ADARB2: variants seen among roughly 807,000 people sequenced by gnomAD.
The protein encoded by ADARB2 is inactive double-stranded RNA-specific editase B2.
Under a neutral mutation model 62.2 loss-of-function variants are expected in ADARB2, and 25 were observed. The ratio of observed to expected loss-of-function variants is 0.40; its 90% CI spans 0.29 to 0.56. The LOEUF is 0.56. ADARB2 is among the 20% of genes least tolerant of loss of function. ADARB2 has a pLI of 0.43. For synonymous variants in ADARB2, 572 were observed against 500.8 expected (o/e 1.14, Z -1.90); for missense variants, 1,071 against 1,077.4 (o/e 0.99, Z 0.08).
intron 1 of ADARB2, among the ~76,000 whole-genome samples, chr10:1,688,814 T>C (rs1036206438): frequency 6.6e-6 from 1 of 152,258 alleles, no homozygotes; most frequent in South Asian, 2.1e-4. Context: ...AGCCTTTTTA[T>C]ACACCTTCTT....
intron 1 of ADARB2, among the ~76,000 whole-genome samples, chr10:1,654,828 G>T (rs1262553736): frequency 1.3e-5 from 2 of 152,336 alleles, no homozygotes; most frequent in Admixed American, 6.5e-5. Flanking sequence ...CATGGCTGCT[G>T]ATCACTGCAG....
chr10:1,689,240 A>G (rs1307319591), intron 1 of ADARB2, among the ~76,000 whole-genome samples: 1 of 152,186 alleles, frequency 6.6e-6, no homozygotes, highest in Admixed American at 6.5e-5. Context: ...GCATTTTTCT[A>G]TCAGCTGAGG....
chr10:1,209,339 ACCCAT>A (rs1837111767), intron 7 of ADARB2, among the ~76,000 whole-genome samples: 1 of 150,524 alleles, frequency 6.6e-6, no homozygotes, highest in African/African-American at 2.5e-5. Context: ...CATCACCCAC[ACCCAT>A]GCCCATGCCT....
chr10:1,399,786 G>A (rs1319439366), intron 1 of ADARB2, among the ~76,000 whole-genome samples: 1 of 152,186 alleles, frequency 6.6e-6, no homozygotes, highest in African/African-American at 2.4e-5. Context: ...TGTGTCACTA[G>A]GACTATGAGT....
At position 1,233,743 on chromosome 10, in the gene ADARB2, G is replaced by A; in HGVS notation, c.1464C>T (p.Ser488=). 1 of 1,613,998 alleles carries A rather than the reference G, an allele frequency of 6.2e-7. No individual in the cohort carries two copies. The highest frequency in any genetic ancestry group is 8.5e-7 in the Non-Finnish European group (1 of 1,179,968). Residue 488 remains serine, a synonymous_variant, in exon 6 of 10, where the codon TCC becomes TCT. Coordinates refer to ENST00000381312, the MANE Select transcript of ADARB2 (RefSeq NM_018702.4). ...AGTGGAGTCTTGCGTCTCCACAGGG[G>A]GAGGTGCTCACGTAGAGATGGAAGA... ...NILFHLYVST[S]PCGDARLHSP... is the part of the protein sequence containing the mutation.
At chr10:1,404,576 A>G (rs1832690792) in intron 1 of ADARB2, among the ~76,000 whole-genome samples, 1 of 152,194 alleles carries the variant, frequency 6.6e-6, no homozygotes, top group Non-Finnish European at 1.5e-5. Flanking sequence ...GGGGCTCTGC[A>G]GGTAGAAAAG....
intron 2 of ADARB2, among the ~76,000 whole-genome samples, chr10:1,370,949 A>C (rs1832364613): frequency 6.6e-6 from 1 of 152,256 alleles, no homozygotes. Flanking sequence ...TAGAAAAAAC[A>C]ATCCTAAAGT....
At chr10:1,302,582 G>T (rs1415362826) in intron 3 of ADARB2, among the ~76,000 whole-genome samples, 33 of 140,014 alleles carry the variant, frequency 2.4e-4, no homozygotes, top group Middle Eastern at 3.9e-3. Context: ...GCAGGGCACA[G>T]ACAAACAAAA....
chr10:1,570,610 G>T (rs941624707), intron 1 of ADARB2, among the ~76,000 whole-genome samples: 1 of 152,236 alleles, frequency 6.6e-6, no homozygotes, highest in Non-Finnish European at 1.5e-5. Flanking sequence ...TCTCACCAGA[G>T]AGTCTCATGC....
At chr10:1,297,474 T>C (rs367642548) in intron 3 of ADARB2, among the ~76,000 whole-genome samples, 102 of 152,296 alleles carry the variant, frequency 6.7e-4, no homozygotes, top group African/African-American at 2.4e-3. Context: ...CATAGAGCTG[T>C]TCCCCACTGA....
chr10:1,387,272 G>T (rs1832533115), intron 1 of ADARB2, among the ~76,000 whole-genome samples: 1 of 151,746 alleles, frequency 6.6e-6, no homozygotes, highest in Non-Finnish European at 1.5e-5. Flanking sequence ...AATAGTAGGA[G>T]TCAAAATAGG....
chr10:1,601,980 C>T (rs546031203), intron 1 of ADARB2, among the ~76,000 whole-genome samples: 1 of 126,256 alleles, frequency 7.9e-6, no homozygotes, highest in African/African-American at 3.0e-5. Flanking sequence ...ATCACTACAG[C>T]AAGTTCTCCC....
chr10:1,344,569 C>T (rs996081046), intron 3 of ADARB2, among the ~76,000 whole-genome samples: 5 of 152,166 alleles, frequency 3.3e-5, no homozygotes, highest in Admixed American at 1.3e-4. Flanking sequence ...CCCGCCAGGC[C>T]GCTGCAGGAG....
At position 1,242,142 on chromosome 10, in the gene ADARB2, C is replaced by T. The variant is rs1229944426; in HGVS notation, c.1350G>A (p.Glu450=). Residue 450 remains glutamate (E), a synonymous_variant, in exon 5 of 10, where the codon GAG becomes GAA. Transcript: ENST00000381312. ...AFLHFLYTQL[E]LHLSKRREDS... is the part of the protein sequence containing the mutation. ...CCCCAGCCGCTCACCTCAGGTGCAG[C>T]TCCAGCTGCGTGTAGAGGAAGTGCA... 1 of 1,607,544 alleles carries T rather than the reference C, an allele frequency of 6.2e-7. No individual in the cohort carries two copies. The highest frequency in any genetic ancestry group is 1.7e-5 in the Admixed American group (1 of 59,856).
intron 4 of ADARB2, 95 bp downstream of exon 4, chr10:1,270,860 G>A: frequency 9.5e-7 from 1 of 1,049,180 alleles, no homozygotes; most frequent in South Asian, 1.4e-5. Flanking sequence ...AGCCTGTTGT[G>A]GAAGAGAGAG....
At chr10:1,637,153 T>G (rs1588333253) in intron 1 of ADARB2, among the ~76,000 whole-genome samples, 1 of 152,212 alleles carries the variant, frequency 6.6e-6, no homozygotes, top group African/African-American at 2.4e-5. Flanking sequence ...CATTTTATTT[T>G]AAATTACTGA....
In ADARB2 at chr10:1,461,516, T is replaced by TA. The variant is rs1564296228; in HGVS notation, c.101-82357_101-82356insT. Among the ~76,000 whole-genome samples, 286 of 53,968 alleles carry TA rather than the reference T, an allele frequency of 5.3e-3. 1 individual carries two copies. Among genetic ancestry groups the TA allele is most frequent in the African/African-American group, 0.026 (251 of 9,750 alleles). 35.4% of individuals were successfully genotyped at this position (53,968 alleles called of 152,430 possible). A position where few individuals can be genotyped will look rare whatever the true frequency, so the allele number is the denominator to read the frequency against. ...TAATTCTTTCCCTGTGCATATATAT[T>TA]TTTTTTTTTAAAGAAATTTGCCCTG... On this transcript the variant is annotated intron_variant, in intron 1 of 9. Transcript: ENST00000381312.
At chr10:1,507,535 T>C (rs1831867938) in intron 1 of ADARB2, among the ~76,000 whole-genome samples, 2 of 152,226 alleles carry the variant, frequency 1.3e-5, no homozygotes, top group Admixed American at 1.3e-4. Flanking sequence ...GACGACTGCC[T>C]AGAGGGAAAC....
At chr10:1,608,594 A>G (rs1833524312) in intron 1 of ADARB2, among the ~76,000 whole-genome samples, 1 of 150,588 alleles carries the variant, frequency 6.6e-6, no homozygotes, top group Non-Finnish European at 1.5e-5. Flanking sequence ...GAAGGAAAAA[A>G]GGAATGAGGA....
Sources: allele counts gnomAD v4.1 joint callset (sites outside exome capture counted in the v4.1 genomes callset), GRCh38; gene constraint gnomAD v4.1.1; transcripts MANE v1.5; gene names NCBI Gene and HGNC (gene_info 2026-07-23, HGNC 2026-07-21).